DDX17: variants seen among roughly 807,000 people sequenced by gnomAD.
The protein encoded by DDX17 is probable ATP-dependent RNA helicase DDX17.
A neutral mutation model predicts 80.8 loss-of-function variants in DDX17; 10 were observed. The observed-to-expected ratio is 0.12, with a 90% CI of 0.08 to 0.21. The LOEUF (loss-of-function observed/expected upper bound fraction) is 0.21. DDX17 is among the 10% of genes least tolerant of loss of function. The probability of loss-of-function intolerance (pLI) is 1.00; values close to 1 mark genes in which losing one functional copy is unlikely to be tolerated. For synonymous variants in DDX17, 339 were observed against 336.2 expected, an observed-to-expected ratio of 1.01 and a Z score of -0.09; for missense variants, 586 against 957.4, an observed-to-expected ratio of 0.61 and a Z score of 5.12.
rs373656499 is a variant in DDX17 at position 38,499,454 on chromosome 22, C to A, written c.484G>T (p.Gly162Trp). The change falls in exon 3 of 13, where the codon GGG becomes TGG. Residue 162 changes from glycine (G) to tryptophan (W), a missense_variant. This residue lies in a region of DDX17 where 215 missense variants were observed against 238.4 expected (regional missense o/e 0.90). Coordinates refer to ENST00000403230, the MANE Select transcript of DDX17 (RefSeq NM_006386.5). ...ACGGGTTTAGGACAAACATCTCCCCCCCTCACTGTAATCTCCTTCTTTCGG... is the reference window on the plus strand; with the variant it reads ...ACGGGTTTAGGACAAACATCTCCCCACCTCACTGTAATCTCCTTCTTTCGG... 1 of 1,614,158 alleles carries A rather than the reference C, an allele frequency of 6.2e-7. No individual in the cohort carries two copies. The highest frequency in any genetic ancestry group is 8.5e-7 in the Non-Finnish European group (1 of 1,180,018).
intron 6 of DDX17, among the ~76,000 whole-genome samples, chr22:38,495,268 T>TG (rs1178314059): frequency 1.8e-5 from 2 of 112,582 alleles, no homozygotes; most frequent in Non-Finnish European, 3.6e-5. Context: ...TTTTTTGAGA[T>TG]GGAGTCTTGC....
At chr22:38,496,175 A>G (rs553925263) in intron 5 of DDX17, among the ~76,000 whole-genome samples, 2 of 152,258 alleles carry the variant, frequency 1.3e-5, no homozygotes, top group East Asian at 3.9e-4. Context: ...CACTTTTACT[A>G]TGACACATTA....
At chr22:38,496,615 G>T (rs898292445) in intron 5 of DDX17, among the ~76,000 whole-genome samples, 34 of 152,166 alleles carry the variant, frequency 2.2e-4, no homozygotes, top group Non-Finnish European at 2.9e-5. Context: ...CTCCCAAAGT[G>T]CTGGGATTAC....
intron 5 of DDX17, among the ~76,000 whole-genome samples, chr22:38,496,932 T>A (rs1459076852): frequency 6.6e-6 from 1 of 152,234 alleles, no homozygotes; most frequent in African/African-American, 2.4e-5. Flanking sequence ...CTGCATTATT[T>A]CTTTTTGTGA....
chr22:38,505,735 C>G, intron 1 of DDX17: 1 of 555,266 alleles, frequency 1.8e-6, no homozygotes. Context: ...GCCGTCCGCA[C>G]GGAGAGGCCC....
At chr22:38,496,522 G>T (rs1222646681) in intron 5 of DDX17, among the ~76,000 whole-genome samples, 4 of 152,128 alleles carry the variant, frequency 2.6e-5, no homozygotes, top group South Asian at 2.1e-4. Flanking sequence ...GCTAATTATT[G>T]TATTTTTGTA....
Position 38,487,941 on chromosome 22 carries a change from T to G in DDX17, c.1622A>C (p.Asn541Thr). Residue 541 changes from asparagine to threonine, a missense_variant, in exon 12 of 13, where the codon AAT (asparagine) becomes ACT (threonine). Physicochemically the swap from Asn to Thr is moderately conservative, Grantham distance 65. This residue lies in a region of DDX17 where 221 missense variants were observed against 261.4 expected (regional missense o/e 0.85). Transcript: ENST00000403230. ...CATCAGTTTTGGATTGATAGCCTGA[T>G]TGGCCTCTTCCAGCACTTTGATAAG... 6.2e-7 allele frequency: 1 copy of G among 1,614,230 alleles called. No individual in the cohort carries two copies. Among genetic ancestry groups the G allele is most frequent in the Non-Finnish European group, 8.5e-7 (1 of 1,180,038 alleles).
In DDX17 at chr22:38,491,859, T is replaced by TG. The variant is rs1250760245; in HGVS notation, c.1447+196dup. The TG allele has an allele frequency of 2.1e-5, 8 of 386,928 alleles. No homozygotes were observed. The East Asian group carries it at 3.3e-4, about 16-fold the overall frequency. 24.0% of individuals were successfully genotyped at this position (386,928 alleles called of 1,614,324 possible). On this transcript the variant is annotated intron_variant, in intron 11 of 12. Transcript: ENST00000403230. ...AGAGACTTTGAAAATAAAAGGGGGG[T>TG]GGGGGAAACCAAAGTTAAAAAAAAT... is the stretch of plus-strand genomic sequence containing the variant.
rs1048510164 is a variant in DDX17, at chr22:38,483,449, AGT to A, written c.*2484_*2485del. The A allele has an allele frequency of 1.3e-5, 2 of 152,274 alleles. No homozygotes were observed. Among genetic ancestry groups the A allele is most frequent in the African/African-American group, 4.8e-5 (2 of 41,570 alleles). 9.4% of individuals were successfully genotyped at this position (152,274 alleles called of 1,614,324 possible). A position where few individuals can be genotyped will look rare whatever the true frequency, so the allele number is the denominator to read the frequency against. The stretch of plus-strand genomic sequence containing the variant: ...TAAAAGCTCACACCTTATTGTCAAC[AGT>A]GTTTTTATTTATACCTACAAAAAGA... On this transcript the variant is annotated 3_prime_UTR_variant, in exon 13 of 13. Transcript: ENST00000403230.
intron 8 of DDX17, 59 bp downstream of exon 8, chr22:38,494,571 G>A: frequency 6.5e-7 from 1 of 1,531,632 alleles, no homozygotes; most frequent in Non-Finnish European, 9.0e-7. Flanking sequence ...ACTAATTTTG[G>A]AGGGTTATTA....
Position 38,495,818 on chromosome 22 carries a change from G to A in DDX17, c.858C>T (p.Pro286=), listed in dbSNP as rs772157868. ...TACCTCTTTCCAAGTCTCGAATCTG[G>A]GGACCTTTAGGAGCACCTCCATAAA... is the stretch of plus-strand genomic sequence containing the variant. Residue 286 remains proline, a synonymous_variant, in exon 6 of 13, where the codon CCC becomes CCT. Transcript: ENST00000403230. The A allele has an allele frequency of 4.4e-6, 7 of 1,601,544 alleles. No individual in the cohort carries two copies. The South Asian group carries it at 6.8e-5, about 16-fold the overall frequency.
At chr22:38,502,708 G>A (rs1467030954) in intron 1 of DDX17, among the ~76,000 whole-genome samples, 1 of 152,098 alleles carries the variant, frequency 6.6e-6, no homozygotes, top group East Asian at 1.9e-4. Context: ...TTAACACTAA[G>A]ATGGCCTTAA....
At chr22:38,486,569 C>T in intron 12 of DDX17, 129 bp from the exon 13 acceptor site, 1 of 1,311,044 alleles carries the variant, frequency 7.6e-7, no homozygotes, top group East Asian at 2.6e-5. Flanking sequence ...GCCAGCCTCC[C>T]AATTAGTACT....
chr22:38,492,228 A>G, intron 10 of DDX17, 113 bp from the exon 11 acceptor site: 2 of 775,940 alleles, frequency 2.6e-6, no homozygotes, highest in Non-Finnish European at 4.1e-6. Flanking sequence ...AAGCTCTTGT[A>G]ATGACTGACA....
In DDX17 at chr22:38,506,192, A is replaced by G; in HGVS notation, c.46T>C (p.Ser16Pro). The change falls in exon 1 of 13, where the codon TCT becomes CCT. Residue 16 changes from serine to proline, a missense_variant. Physicochemically the swap from Ser to Pro is moderately conservative, Grantham distance 74. Transcript: ENST00000403230. Reference sequence around the variant, plus strand: ...ACCGTCGCCGCCTCTCTCGTCGGAGACGGGAGCAAAACACAGAGAATCGGG... The same window carrying G: ...ACCGTCGCCGCCTCTCTCGTCGGAGGCGGGAGCAAAACACAGAGAATCGGG... 1.2e-6 allele frequency: 2 copies of G among 1,605,388 alleles called. No individual in the cohort carries two copies. Among genetic ancestry groups the G allele is most frequent in the Non-Finnish European group, 1.7e-6 (2 of 1,176,624 alleles).
chr22:38,489,823 C>T lies in DDX17; in HGVS notation c.1448-1708G>A, dbSNP rs537943213. On this transcript the variant is annotated intron_variant, in intron 11 of 12. Coordinates refer to ENST00000403230, the MANE Select transcript of DDX17 (RefSeq NM_006386.5). The surrounding 1 kb of genome is among the most constrained non-coding windows in gnomAD (Gnocchi z 4.6). ...ACGCAACAAAGGAAAAAAGAATTTACAGGGCCAGGGTGGATGTAAGACAGG... is the reference window on the plus strand; with the variant it reads ...ACGCAACAAAGGAAAAAAGAATTTATAGGGCCAGGGTGGATGTAAGACAGG... 33 of 985,562 alleles carry T rather than the reference C, an allele frequency of 3.3e-5. No homozygotes were observed. Among genetic ancestry groups the T allele is most frequent in the Non-Finnish European group, 3.9e-5 (32 of 830,114 alleles). 61.1% of individuals were successfully genotyped at this position (985,562 alleles called of 1,614,324 possible).
intron 10 of DDX17, among the ~76,000 whole-genome samples, chr22:38,492,433 G>C (rs2089722380): frequency 6.6e-6 from 1 of 152,112 alleles, no homozygotes; most frequent in African/African-American, 2.4e-5. Flanking sequence ...AAGTTCAAAA[G>C]ATGTAGAATG....
intron 2 of DDX17, among the ~76,000 whole-genome samples, chr22:38,500,424 C>G (rs1321370678): frequency 2.0e-5 from 3 of 152,114 alleles, no homozygotes; most frequent in Non-Finnish European, 4.4e-5. Flanking sequence ...GGGCAGATCA[C>G]AAGGTCAGGA....
chr22:38,499,350 C>T, intron 3 of DDX17, 50 bp downstream of exon 3: 2 of 1,425,684 alleles, frequency 1.4e-6, no homozygotes, highest in Non-Finnish European at 2.0e-6. Flanking sequence ...CCCTTGTCTC[C>T]CATTCAACCC....
Sources: gnomAD v4.1 joint callset for allele counts (sites outside exome capture counted in the v4.1 genomes callset) on GRCh38, gnomAD v4.1.1 for gene constraint, gnomAD v4.1.1 regional missense constraint, Gnocchi (gnomAD v3.1) non-coding constraint, MANE v1.5 for transcripts, NCBI Gene and HGNC (gene_info 2026-07-23, HGNC 2026-07-21) for gene names.